Variants in SPAG16 observed in about 807,000 individuals in gnomAD.
The protein encoded by SPAG16 is sperm associated antigen 16.
In SPAG16, 86 loss-of-function variants were observed where a neutral mutation model predicts 80.4. That is an observed-to-expected ratio of 1.07 (90% CI 0.90 to 1.28). SPAG16 has a LOEUF of 1.28. Ranked by LOEUF, SPAG16 falls within the 50% of genes most tolerant of loss-of-function variation. The pLI is 0.00. For synonymous variants in SPAG16, 294 were observed against 265.9 expected (o/e 1.11, Z -1.03); for missense variants, 870 against 765.3 (o/e 1.14, Z -1.61).
chr2:214,012,218 GTATATATATACTTACT>G (rs1253207407), intron 12 of SPAG16, among the ~76,000 whole-genome samples: 1 of 111,798 alleles, frequency 8.9e-6, no homozygotes, highest in Non-Finnish European at 1.8e-5. Context: ...TTATACATAT[GTATATATATACTTACT>G]TATATATATA....
chr2:213,787,549 C>T (rs2070419527), intron 10 of SPAG16, among the ~76,000 whole-genome samples: 1 of 152,030 alleles, frequency 6.6e-6, no homozygotes, highest in African/African-American at 2.4e-5. Context: ...TTTGGATAGC[C>T]ATGTAAGTCA....
intron 15 of SPAG16, among the ~76,000 whole-genome samples, chr2:214,267,917 C>T (rs1691699679): frequency 6.6e-6 from 1 of 151,704 alleles, no homozygotes; most frequent in African/African-American, 2.4e-5. Flanking sequence ...GTTTGCAACT[C>T]ATATATCAAA....
intron 4 of SPAG16, among the ~76,000 whole-genome samples, chr2:213,312,892 G>T (rs2063252567): frequency 6.6e-6 from 1 of 151,754 alleles, no homozygotes; most frequent in Non-Finnish European, 1.5e-5. Context: ...TTTAAAGCCA[G>T]AGCCTAGAAT....
rs534263148 is a variant in SPAG16 at position 213,467,037 on chromosome 2, A to G, written c.943-22926A>G. Among the ~76,000 whole-genome samples, 11 of 152,324 alleles carry G rather than the reference A, an allele frequency of 7.2e-5. No homozygotes were observed. In the East Asian group the frequency reaches 2.1e-3, roughly 29 times the overall value. ...AAGTATAGGGATTGAGAACCACCAG[A>G]TATATCGGAACCACAGCCTCATTTA... On this transcript the variant is annotated intron_variant, in intron 9 of 15. Transcript: ENST00000331683.
intron 10 of SPAG16, among the ~76,000 whole-genome samples, chr2:213,636,996 T>A (rs1210762215): frequency 6.6e-6 from 1 of 152,206 alleles, no homozygotes; most frequent in Non-Finnish European, 1.5e-5. Flanking sequence ...CTATGTTGAA[T>A]AGAGATGGTG....
intron 10 of SPAG16, among the ~76,000 whole-genome samples, chr2:213,520,043 G>A (rs1185103622): frequency 6.8e-6 from 1 of 148,098 alleles, no homozygotes; most frequent in Non-Finnish European, 1.5e-5. Context: ...ACACACACAC[G>A]AGAGAGAGAG....
chr2:213,843,299 G>T (rs935873057), intron 10 of SPAG16, among the ~76,000 whole-genome samples: 2 of 152,082 alleles, frequency 1.3e-5, no homozygotes, highest in African/African-American at 4.8e-5. Context: ...TATAGTTTGA[G>T]AAATGGTCTC....
intron 12 of SPAG16, among the ~76,000 whole-genome samples, chr2:213,971,872 TTTTTTGG>T (rs1360442534): frequency 2.0e-5 from 3 of 150,620 alleles, no homozygotes; most frequent in African/African-American, 4.8e-5. Flanking sequence ...TATTTTCTTG[TTTTTTGG>T]TTTTTTTTTT....
At chr2:213,296,744 G>C (rs2062515120) in intron 2 of SPAG16, among the ~76,000 whole-genome samples, 2 of 152,162 alleles carry the variant, frequency 1.3e-5, no homozygotes, top group Non-Finnish European at 2.9e-5. Context: ...TGAAGTTCCT[G>C]AATGAGTTAA....
intron 10 of SPAG16, among the ~76,000 whole-genome samples, chr2:213,584,496 AT>A (rs942878062): frequency 2.1e-4 from 32 of 152,020 alleles, no homozygotes; most frequent in Non-Finnish European, 2.6e-4. Flanking sequence ...GTGAAAAAAA[AT>A]CATAGAATTT....
intron 15 of SPAG16, among the ~76,000 whole-genome samples, chr2:214,160,146 T>A (rs2056379895): frequency 6.6e-6 from 1 of 151,910 alleles, no homozygotes; most frequent in South Asian, 2.1e-4. Flanking sequence ...GAGTGCTGTT[T>A]GTAAAGAATA....
intron 11 of SPAG16, among the ~76,000 whole-genome samples, chr2:213,894,687 A>G (rs146901157): frequency 7.8e-4 from 118 of 152,250 alleles, no homozygotes; most frequent in African/African-American, 2.2e-3. Flanking sequence ...ACAAGATTCT[A>G]TACTTAGAAA....
At chr2:214,099,316 G>A (rs554920544) in intron 13 of SPAG16, among the ~76,000 whole-genome samples, 4 of 152,168 alleles carry the variant, frequency 2.6e-5, no homozygotes, top group African/African-American at 9.6e-5. Context: ...TCCCTTACTT[G>A]TGTAGGCATT....
intron 15 of SPAG16, among the ~76,000 whole-genome samples, chr2:214,175,827 T>C (rs1323097695): frequency 6.6e-6 from 1 of 151,512 alleles, no homozygotes; most frequent in Non-Finnish European, 1.5e-5. Context: ...TTTGATGGCC[T>C]TGAATAAAAT....
chr2:213,690,068 C>T (rs756012866), intron 10 of SPAG16, among the ~76,000 whole-genome samples: 1 of 152,066 alleles, frequency 6.6e-6, no homozygotes, highest in Non-Finnish European at 1.5e-5. Flanking sequence ...TCCTTCAATC[C>T]ATCACATTAA....
At chr2:213,313,805 A>G (rs2063298870) in intron 4 of SPAG16, among the ~76,000 whole-genome samples, 1 of 151,828 alleles carries the variant, frequency 6.6e-6, no homozygotes, top group Admixed American at 6.6e-5. Flanking sequence ...TCTGGTTCTA[A>G]GTGATAGTCG....
At chr2:213,338,117 A>G (rs565640622) in intron 5 of SPAG16, among the ~76,000 whole-genome samples, 5 of 152,344 alleles carry the variant, frequency 3.3e-5, no homozygotes, top group Non-Finnish European at 7.4e-5. Flanking sequence ...GGTCAAACTC[A>G]GCTTCATAAG....
chr2:214,015,308 G>A (rs1044138253), intron 13 of SPAG16, among the ~76,000 whole-genome samples: 5 of 152,114 alleles, frequency 3.3e-5, no homozygotes, highest in Admixed American at 6.5e-5. Flanking sequence ...TTTTGAAAGG[G>A]CTGGTTTCGG....
chr2:214,067,598 G>A (rs1034532966), intron 13 of SPAG16, among the ~76,000 whole-genome samples: 1 of 151,564 alleles, frequency 6.6e-6, no homozygotes, highest in Non-Finnish European at 1.5e-5. Context: ...GATAAGAAAA[G>A]GATTTTTAGG....
Sources: allele counts gnomAD v4.1 joint callset (sites outside exome capture counted in the v4.1 genomes callset), GRCh38; gene constraint gnomAD v4.1.1; transcripts MANE v1.5; gene names NCBI Gene and HGNC (gene_info 2026-07-23, HGNC 2026-07-21).